The following BCKDHB variants were observed in gnomAD, a reference collection of about 807,000 sequenced individuals.
BCKDHB encodes 2-oxoisovalerate dehydrogenase subunit beta, mitochondrial.
Under a neutral mutation model 48.5 loss-of-function variants are expected in BCKDHB, and 41 were observed. The observed-to-expected ratio is 0.85, with a 90% CI of 0.66 to 1.10. The LOEUF is 1.10. Ranked by LOEUF, BCKDHB falls within the 50% of genes least tolerant of loss-of-function variation. BCKDHB has a pLI of 0.00. For missense variants in BCKDHB, 496 were observed against 494.2 expected, an observed-to-expected ratio of 1.00 and a Z score of -0.03; for synonymous variants, 201 against 174.8, an observed-to-expected ratio of 1.15 and a Z score of -1.18.
intron 9 of BCKDHB, among the ~76,000 whole-genome samples, chr6:80,326,309 A>G (rs886921708): frequency 2.6e-5 from 4 of 152,138 alleles, no homozygotes; most frequent in African/African-American, 9.7e-5. Context: ...GAAGTCCGGT[A>G]TTCTTGGAGA....
chr6:80,214,900 A>T (rs1349139565), intron 8 of BCKDHB, among the ~76,000 whole-genome samples: 3 of 152,194 alleles, frequency 2.0e-5, no homozygotes, highest in African/African-American at 7.2e-5. Flanking sequence ...AGGTAAAATT[A>T]TATGTCTTCT....
the BCKDHB span, among the ~76,000 whole-genome samples, chr6:80,377,761 T>C: frequency 6.6e-6 from 1 of 152,248 alleles, no homozygotes; most frequent in Non-Finnish European, 1.5e-5. Flanking sequence ...AATACAGCAG[T>C]GTAATTTCTC....
chr6:80,360,635 A>G, the BCKDHB span, among the ~76,000 whole-genome samples: 6 of 152,090 alleles, frequency 3.9e-5, no homozygotes, highest in Non-Finnish European at 8.8e-5. Context: ...CATTGTGAGG[A>G]CCCCAAATCT....
chr6:80,232,502 A>G (rs1313157651), intron 8 of BCKDHB, among the ~76,000 whole-genome samples: 2 of 151,426 alleles, frequency 1.3e-5, no homozygotes, highest in African/African-American at 4.8e-5. Context: ...GCTCCTTTGA[A>G]TAGTAGAATC....
At chr6:80,166,035 CAT>C (rs1485188926) in intron 3 of BCKDHB, among the ~76,000 whole-genome samples, 1 of 152,188 alleles carries the variant, frequency 6.6e-6, no homozygotes, top group Non-Finnish European at 1.5e-5. Flanking sequence ...TGTCCTGACT[CAT>C]AGACTGGGGA....
chr6:80,416,245 GTTT>G, the BCKDHB span, among the ~76,000 whole-genome samples: 1 of 139,404 alleles, frequency 7.2e-6, no homozygotes. Context: ...TTTTGAATAG[GTTT>G]TTTTTTTTTT....
intron 3 of BCKDHB, among the ~76,000 whole-genome samples, chr6:80,132,185 C>T (rs1317285461): frequency 6.6e-6 from 1 of 151,776 alleles, no homozygotes; most frequent in Non-Finnish European, 1.5e-5. Context: ...ACCTGGTAGA[C>T]TCCTATTTCT....
At chr6:80,335,440 G>T (rs755534504) in intron 9 of BCKDHB, among the ~76,000 whole-genome samples, 2 of 151,922 alleles carry the variant, frequency 1.3e-5, no homozygotes, top group African/African-American at 2.4e-5. Context: ...TTCAAACGTT[G>T]CCGTCAGTGC....
chr6:80,188,039 G>A (rs1773726380), intron 6 of BCKDHB, among the ~76,000 whole-genome samples: 5 of 152,156 alleles, frequency 3.3e-5, no homozygotes. Flanking sequence ...TATGTTCACT[G>A]CAGCACTATT....
At chr6:80,354,989 T>C in the BCKDHB span, among the ~76,000 whole-genome samples, 1 of 152,220 alleles carries the variant, frequency 6.6e-6, no homozygotes, top group Non-Finnish European at 1.5e-5. Flanking sequence ...ATTTGGACTC[T>C]TTTTTGTTCC....
At chr6:80,392,899 A>C in the BCKDHB span, among the ~76,000 whole-genome samples, 1 of 125,348 alleles carries the variant, frequency 8.0e-6, no homozygotes, top group South Asian at 2.5e-4. Flanking sequence ...TTACCTACTT[A>C]GTCTAAATAA....
intron 6 of BCKDHB, among the ~76,000 whole-genome samples, chr6:80,187,429 C>G (rs1334559740): frequency 6.6e-6 from 1 of 152,038 alleles, no homozygotes; most frequent in African/African-American, 2.4e-5. Context: ...AAGAAGTATT[C>G]TAACTCAGTA....
chr6:80,384,493 G>T, the BCKDHB span, among the ~76,000 whole-genome samples: 2 of 151,946 alleles, frequency 1.3e-5, no homozygotes, highest in Admixed American at 1.3e-4. Flanking sequence ...TGAGTAGGTG[G>T]GACTACAGGC....
chr6:80,210,385 A>G (rs928879106), intron 8 of BCKDHB, among the ~76,000 whole-genome samples: 32 of 152,114 alleles, frequency 2.1e-4, no homozygotes, highest in African/African-American at 7.7e-4. Flanking sequence ...AAAATAGACA[A>G]AACTAATTGA....
rs979142860 is a variant in BCKDHB at position 80,120,486 on chromosome 6, A to G, written c.197-7061A>G. The stretch of plus-strand genomic sequence containing the variant: ...AATTTACACTCCCACCAAGAGTGTA[A>G]AAGTGTTCCTATTTCTCCACATCCT... On this transcript the variant is annotated intron_variant, in intron 1 of 9. Transcript: ENST00000320393. Among the ~76,000 whole-genome samples the G allele has an allele frequency of 1.3e-5, 2 of 152,076 alleles. 1 individual carries two copies. The highest frequency in any genetic ancestry group is 4.2e-4 in the South Asian group (2 of 4,816).
chr6:80,363,418 G>GA, the BCKDHB span, among the ~76,000 whole-genome samples: 1 of 152,104 alleles, frequency 6.6e-6, no homozygotes, highest in South Asian at 2.1e-4. Flanking sequence ...CTTATCTTTA[G>GA]AAAATATTAT....
chr6:80,220,508 C>G (rs953881444), intron 8 of BCKDHB, among the ~76,000 whole-genome samples: 6 of 140,656 alleles, frequency 4.3e-5, no homozygotes, highest in African/African-American at 1.0e-4. Context: ...TCTTTCTTCT[C>G]TAGGCTTTTC....
chr6:80,194,489 T>G (rs1036976516), intron 6 of BCKDHB, among the ~76,000 whole-genome samples: 18 of 152,194 alleles, frequency 1.2e-4, no homozygotes, highest in Non-Finnish European at 5.9e-5. Flanking sequence ...AGTCTATTTA[T>G]CGTTCTTTCT....
the BCKDHB span, among the ~76,000 whole-genome samples, chr6:80,378,090 CTG>C: frequency 3.9e-5 from 6 of 152,016 alleles, no homozygotes; most frequent in African/African-American, 7.2e-5. Flanking sequence ...GTAAATAAAA[CTG>C]TTTTTTACAT....
Sources: gnomAD v4.1 joint callset for allele counts (sites outside exome capture counted in the v4.1 genomes callset) on GRCh38, gnomAD v4.1.1 for gene constraint, MANE v1.5 for transcripts, NCBI Gene and HGNC (gene_info 2026-07-23, HGNC 2026-07-21) for gene names.